Variants in PSME4 observed in about 807,000 individuals in gnomAD.
PSME4 encodes proteasome activator complex subunit 4.
A neutral mutation model predicts 253.9 loss-of-function variants in PSME4; 89 were observed. The observed-to-expected ratio is 0.35, with a 90% CI of 0.30 to 0.42. The LOEUF (loss-of-function observed/expected upper bound fraction) is 0.42. Ranked by LOEUF, PSME4 falls within the 10% of genes least tolerant of loss-of-function variation. PSME4 has a pLI of 1.00. For missense variants in PSME4, 2,014 were observed against 2,195.2 expected, an observed-to-expected ratio of 0.92 and a Z score of 1.65; for synonymous variants, 851 against 759.2, an observed-to-expected ratio of 1.12 and a Z score of -1.99.
At chr2:53,931,223 GCC>G (rs1668815993) in intron 10 of PSME4, among the ~76,000 whole-genome samples, 1 of 152,054 alleles carries the variant, frequency 6.6e-6, no homozygotes, top group South Asian at 2.1e-4. Context: ...GTTGCGGTGA[GCC>G]AAGATTTGCA....
chr2:53,925,109 A>G (rs1314642734), intron 14 of PSME4, among the ~76,000 whole-genome samples: 1 of 152,190 alleles, frequency 6.6e-6, no homozygotes, highest in Admixed American at 6.5e-5. Context: ...ACTTTAAACA[A>G]TAAACTCTTG....
At chr2:53,956,128 T>C (rs956382607) in intron 1 of PSME4, among the ~76,000 whole-genome samples, 1 of 151,948 alleles carries the variant, frequency 6.6e-6, no homozygotes, top group Non-Finnish European at 1.5e-5. Flanking sequence ...ACAAAAAATT[T>C]AAAAATTAAA....
At chr2:53,925,783 C>T (rs1472413580) in intron 13 of PSME4, 94 bp from the exon 14 acceptor site, 11 of 1,343,786 alleles carry the variant, frequency 8.2e-6, no homozygotes, top group Non-Finnish European at 1.1e-5. Flanking sequence ...CCTAATTATT[C>T]AAGTGATAGC....
intron 13 of PSME4, 40 bp downstream of exon 13, chr2:53,925,919 T>C: frequency 6.4e-7 from 1 of 1,566,154 alleles, no homozygotes. Flanking sequence ...AGTCATTTTC[T>C]AGAATTTCAG....
intron 1 of PSME4, among the ~76,000 whole-genome samples, chr2:53,962,741 G>A (rs1363702603): frequency 6.6e-6 from 1 of 152,060 alleles, no homozygotes; most frequent in Admixed American, 6.6e-5. Flanking sequence ...AGCTGGGCAC[G>A]GTGGCTCACG....
chr2:53,882,562 G>A (rs75679248), intron 41 of PSME4, among the ~76,000 whole-genome samples: 4,875 of 152,164 alleles, frequency 0.032, 116 homozygotes, highest in Non-Finnish European at 0.053. Flanking sequence ...AAGTTCAGAG[G>A]GGTTGAATTA....
Position 53,940,936 on chromosome 2 carries a change from T to TTTAA in PSME4, c.501-937_501-936insTTAA, listed in dbSNP as rs1469821183. On this transcript the variant is annotated intron_variant, in intron 3 of 46. Transcript: ENST00000404125. ...TATTTAAATATATATATAATACATA[T>TTTAA]ATAAATATATATATACATATATATA... 3.3e-3 allele frequency among the ~76,000 whole-genome samples: 175 copies of TTTAA among 53,478 alleles called. 1 individual carries two copies. Among genetic ancestry groups the TTTAA allele is most frequent in the Middle Eastern group, 7.8e-3 (1 of 128 alleles). 35.1% of individuals were successfully genotyped at this position (53,478 alleles called of 152,430 possible). A position where few individuals can be genotyped will look rare whatever the true frequency, so the allele number is the denominator to read the frequency against.
rs1300709826 is a variant in PSME4, at chr2:53,908,414, A to G, written c.2690T>C (p.Ile897Thr). 3 of 1,613,130 alleles carry G rather than the reference A, an allele frequency of 1.9e-6. No homozygotes were observed. The highest frequency in any genetic ancestry group is 1.1e-5 in the South Asian group (1 of 90,950). The stretch of plus-strand genomic sequence containing the variant: ...TCCTTGGAATTGTAAAAGGTCTCCA[A>G]TAATCTGTGTCAAAGAATTTCAAAT... The part of the protein sequence containing the change: ...TKSLFLIIKI[I>T]GDLLQFQGSH... The change falls in exon 24 of 47, where the codon ATT becomes ACT. Residue 897 changes from isoleucine to threonine, a missense_variant. Physicochemically the swap from Ile to Thr is moderately conservative, Grantham distance 89. Around this residue, in one of 4 missense-constraint regions of PSME4, gnomAD observed 989 missense variants for 1,021.1 expected, o/e 0.97. Coordinates refer to ENST00000404125, the MANE Select transcript of PSME4 (RefSeq NM_014614.3).
intron 29 of PSME4, among the ~76,000 whole-genome samples, chr2:53,899,189 C>T (rs374478928): frequency 6.6e-6 from 1 of 152,002 alleles, no homozygotes; most frequent in East Asian, 1.9e-4. Flanking sequence ...CTTAGCCTCC[C>T]GAGTAGCTGG....
intron 33 of PSME4, 112 bp downstream of exon 33, chr2:53,895,471 G>A (rs991753979): frequency 1.1e-5 from 12 of 1,054,846 alleles, no homozygotes; most frequent in African/African-American, 1.6e-5. Flanking sequence ...GACTAGGGAA[G>A]GGGAAAGATA....
rs759649120 is a variant in PSME4 at position 53,900,006 on chromosome 2, T to C, written c.3297A>G (p.Ser1099=). ...TIGLDFTIPK[S]CVEIAELLQQ... is the part of the protein sequence containing the mutation. Reference sequence around the variant, plus strand: ...GAAGTAATTCCGCTATTTCAACACATGACTTTGGAATCTTGTTAAAAAGAA... The same window carrying C: ...GAAGTAATTCCGCTATTTCAACACACGACTTTGGAATCTTGTTAAAAAGAA... The change falls in exon 29 of 47, where the codon TCA becomes TCG. Residue 1099 remains serine (S), a synonymous_variant. Transcript: ENST00000404125. 2 of 1,612,886 alleles carry C rather than the reference T, an allele frequency of 1.2e-6. No homozygotes were observed. The highest frequency in any genetic ancestry group is 1.7e-6 in the Non-Finnish European group (2 of 1,179,530).
At chr2:53,963,156 T>C (rs1295820355) in intron 1 of PSME4, among the ~76,000 whole-genome samples, 3 of 152,028 alleles carry the variant, frequency 2.0e-5, no homozygotes, top group Admixed American at 2.0e-4. Context: ...TGAGACTTTG[T>C]CTCAAGAAAA....
intron 35 of PSME4, 73 bp from the exon 36 acceptor site, chr2:53,893,033 C>G (rs1679980872): frequency 7.2e-7 from 1 of 1,380,378 alleles, no homozygotes; most frequent in East Asian, 2.4e-5. Context: ...TGTAATTATT[C>G]TGTACATTAC....
Position 53,934,694 on chromosome 2 carries a change from G to A in PSME4, c.868C>T (p.Pro290Ser). The A allele has an allele frequency of 6.2e-7, 1 of 1,601,520 alleles. No individual in the cohort carries two copies. Residue 290 changes from proline (P) to serine (S), a missense_variant, in exon 8 of 47, where the codon CCA becomes TCA. Transcript: ENST00000404125. The stretch of plus-strand genomic sequence containing the variant: ...ACTAACACTTGACTGCTTCCCACTG[G>A]GAGGTTCAAGCTTCTCAGAATTCTT... Reference protein sequence around the residue: ...FTRILRSLNLPVGSSQVLVPR... With the variant: ...FTRILRSLNLSVGSSQVLVPR...
At chr2:53,955,681 G>A (rs1382602918) in intron 1 of PSME4, among the ~76,000 whole-genome samples, 1 of 152,072 alleles carries the variant, frequency 6.6e-6, no homozygotes. Context: ...AAGCACTTTC[G>A]GAGGCCACGG....
intron 21 of PSME4, among the ~76,000 whole-genome samples, chr2:53,909,823 T>C (rs1367259669): frequency 6.6e-6 from 1 of 152,012 alleles, no homozygotes; most frequent in Non-Finnish European, 1.5e-5. Context: ...TTAGCTGGGC[T>C]TGGTGGTGCA....
chr2:53,895,836 AAAC>A (rs1680114308), intron 32 of PSME4, 100 bp from the exon 33 acceptor site: 5 of 1,069,042 alleles, frequency 4.7e-6, no homozygotes, highest in Middle Eastern at 2.1e-4. Flanking sequence ...TGTCTTCACA[AAAC>A]AACACTACAA....
At chr2:53,882,347 G>T (rs1286339709) in intron 41 of PSME4, among the ~76,000 whole-genome samples, 1 of 152,120 alleles carries the variant, frequency 6.6e-6, no homozygotes, top group Non-Finnish European at 1.5e-5. Context: ...TCTCAATTTA[G>T]GATGCAATAT....
chr2:53,899,238 G>GT (rs949677561), intron 29 of PSME4, among the ~76,000 whole-genome samples: 34 of 151,080 alleles, frequency 2.3e-4, no homozygotes, highest in Non-Finnish European at 3.2e-4. Flanking sequence ...CTAAATTTTT[G>GT]TTTTTTTTGT....
Sources: gnomAD v4.1 joint callset for allele counts (sites outside exome capture counted in the v4.1 genomes callset) on GRCh38, gnomAD v4.1.1 for gene constraint, gnomAD v4.1.1 regional missense constraint, MANE v1.5 for transcripts, NCBI Gene and HGNC (gene_info 2026-07-23, HGNC 2026-07-21) for gene names.